The following CCM2 variants were observed in gnomAD, a reference collection of about 807,000 sequenced individuals.
CCM2 encodes CCM2 scaffold protein.
Under a neutral mutation model 44.9 loss-of-function variants are expected in CCM2, and 25 were observed. The observed-to-expected ratio is 0.56, with a 90% confidence interval of 0.41 to 0.78. CCM2 has a LOEUF of 0.78. Among genes scored for constraint, CCM2 ranks in the 30% least tolerant of loss-of-function variants. The probability of loss-of-function intolerance (pLI) is 0.00; values close to 1 mark genes in which losing one functional copy is unlikely to be tolerated. For missense variants in CCM2, 481 were observed against 580.6 expected, an observed-to-expected ratio of 0.83 and a Z score of 1.76; for synonymous variants, 219 against 241.1, an observed-to-expected ratio of 0.91 and a Z score of 0.85.
At chr7:45,019,808 C>T (rs1032194966) in intron 1 of CCM2, among the ~76,000 whole-genome samples, 4 of 152,156 alleles carry the variant, frequency 2.6e-5, no homozygotes, top group Non-Finnish European at 5.9e-5. Context: ...CTCCTGAACT[C>T]AAGTGATCTT....
At chr7:45,016,114 A>T (rs1022230907) in intron 1 of CCM2, among the ~76,000 whole-genome samples, 6 of 152,228 alleles carry the variant, frequency 3.9e-5, no homozygotes, top group African/African-American at 1.4e-4. Flanking sequence ...AAGAGTTGCA[A>T]CCTGTAGGCT....
At position 45,075,936 on chromosome 7, in the gene CCM2, C is replaced by T; in HGVS notation, c.1214C>T (p.Ala405Val). Residue 405 changes from alanine to valine, a missense_variant, in exon 10 of 10, where the codon GCC becomes GTC. By Grantham distance (64) the Ala-to-Val change is moderately conservative. Coordinates refer to ENST00000258781, the MANE Select transcript of CCM2 (RefSeq NM_031443.4). ...TSSSTTNGNR[A>V]TGSSDDRSAP... is the part of the protein sequence containing the mutation. ...AGTTCCACCACCAATGGGAACAGGG[C>T]CACGGGCAGCTCTGATGACCGGTCG... The T allele has an allele frequency of 6.2e-7, 1 of 1,613,220 alleles. No homozygotes were observed. Among genetic ancestry groups the T allele is most frequent in the Non-Finnish European group, 8.5e-7 (1 of 1,180,022 alleles).
At chr7:45,044,891 A>G (rs556459210) in intron 2 of CCM2, among the ~76,000 whole-genome samples, 3 of 152,304 alleles carry the variant, frequency 2.0e-5, no homozygotes, top group African/African-American at 4.8e-5. Flanking sequence ...AGTTATTAAA[A>G]TTTTGTTTTG....
At chr7:45,015,061 G>A (rs1796212616) in intron 1 of CCM2, among the ~76,000 whole-genome samples, 2 of 152,192 alleles carry the variant, frequency 1.3e-5, no homozygotes, top group African/African-American at 2.4e-5. Flanking sequence ...AGCTAATCTT[G>A]TTCTTTCCTG....
At chr7:45,029,707 T>C (rs1328847245) in intron 1 of CCM2, among the ~76,000 whole-genome samples, 1 of 152,206 alleles carries the variant, frequency 6.6e-6, no homozygotes, top group African/African-American at 2.4e-5. Context: ...CTGATAATGT[T>C]GAGCTTCAGA....
At chr7:45,008,913 CT>C (rs1328109093) in intron 1 of CCM2, among the ~76,000 whole-genome samples, 1 of 152,212 alleles carries the variant, frequency 6.6e-6, no homozygotes, top group South Asian at 2.1e-4. Context: ...AAGGCTCCCC[CT>C]CTCACTTAGT....
intron 1 of CCM2, among the ~76,000 whole-genome samples, chr7:45,007,340 G>A (rs1795886376): frequency 6.6e-6 from 1 of 152,172 alleles, no homozygotes; most frequent in South Asian, 2.1e-4. Flanking sequence ...CTGTGTCCTT[G>A]TGAACAGTGG....
chr7:45,040,849 G>T (rs370053838), intron 2 of CCM2, among the ~76,000 whole-genome samples: 39 of 152,184 alleles, frequency 2.6e-4, no homozygotes, highest in Non-Finnish European at 1.3e-4. Context: ...AATTAGCCAG[G>T]TGTAGTGGCA....
chr7:45,064,014 T>C lies in CCM2; in HGVS notation c.288+13T>C. On this transcript the variant is annotated intron_variant, in intron 3 of 9. Coordinates refer to ENST00000258781, the MANE Select transcript of CCM2 (RefSeq NM_031443.4). ...AGACAATGCAAAGGTAACCCTATCC[T>C]CTTAACCCTGTGCACTAGCCCTCAG... 1 of 1,591,224 alleles carries C rather than the reference T, an allele frequency of 6.3e-7. No individual in the cohort carries two copies. The highest frequency in any genetic ancestry group is 2.2e-5 in the East Asian group (1 of 44,768).
intron 2 of CCM2, among the ~76,000 whole-genome samples, chr7:45,044,818 A>AT (rs1166243484): frequency 1.3e-5 from 2 of 152,100 alleles, no homozygotes; most frequent in Non-Finnish European, 2.9e-5. Flanking sequence ...AGTGATTCTT[A>AT]TTTTCCTTCC....
chr7:45,025,767 C>T (rs1310403211), intron 1 of CCM2, among the ~76,000 whole-genome samples: 1 of 152,226 alleles, frequency 6.6e-6, no homozygotes, highest in African/African-American at 2.4e-5. Context: ...CTTCTAACCT[C>T]AGGTGATCTG....
At chr7:45,005,612 A>C (rs1795814832) in intron 1 of CCM2, among the ~76,000 whole-genome samples, 1 of 152,238 alleles carries the variant, frequency 6.6e-6, no homozygotes, top group Admixed American at 6.5e-5. Flanking sequence ...TGAGCATTTA[A>C]ATCACCCTCT....
At chr7:45,018,860 A>G (rs995694665) in intron 1 of CCM2, among the ~76,000 whole-genome samples, 4 of 151,422 alleles carry the variant, frequency 2.6e-5, no homozygotes, top group Non-Finnish European at 4.4e-5. Flanking sequence ...CCCAGATTCA[A>G]GTGATTCTCC....
intron 2 of CCM2, among the ~76,000 whole-genome samples, chr7:45,041,320 A>G (rs920701021): frequency 6.6e-6 from 1 of 152,242 alleles, no homozygotes; most frequent in Admixed American, 6.5e-5. Context: ...GATGAAGTAG[A>G]CATTCTTTTC....
At chr7:45,013,601 C>G (rs1796147756) in intron 1 of CCM2, among the ~76,000 whole-genome samples, 3 of 152,188 alleles carry the variant, frequency 2.0e-5, no homozygotes, top group Admixed American at 6.5e-5. Flanking sequence ...TCCATTTGAT[C>G]TTGCTACGTA....
intron 1 of CCM2, among the ~76,000 whole-genome samples, chr7:45,031,381 C>CAAAA (rs35741858): frequency 1.7e-5 from 1 of 57,484 alleles, no homozygotes; most frequent in Non-Finnish European, 3.5e-5. Context: ...GACTCCAGGT[C>CAAAA]AAAAAAAAAA....
chr7:45,032,757 G>C (rs2128725133), intron 1 of CCM2, among the ~76,000 whole-genome samples: 1 of 152,216 alleles, frequency 6.6e-6, no homozygotes, highest in African/African-American at 2.4e-5. Context: ...AGAGCCAAGG[G>C]CAGCCAGGCC....
chr7:45,068,973 G>A (rs1798921332), intron 5 of CCM2, among the ~76,000 whole-genome samples: 1 of 152,196 alleles, frequency 6.6e-6, no homozygotes, highest in African/African-American at 2.4e-5. Flanking sequence ...CACGCTGATG[G>A]GCGGGCAGCG....
At chr7:45,069,293 G>A (rs1798938600) in intron 5 of CCM2, among the ~76,000 whole-genome samples, 1 of 152,242 alleles carries the variant, frequency 6.6e-6, no homozygotes, top group Non-Finnish European at 1.5e-5. Flanking sequence ...AGGGTGTTGA[G>A]CAGCATCCCA....
Sources: gnomAD v4.1 joint callset for allele counts (sites outside exome capture counted in the v4.1 genomes callset) on GRCh38, gnomAD v4.1.1 for gene constraint, MANE v1.5 for transcripts, NCBI Gene and HGNC (gene_info 2026-07-23, HGNC 2026-07-21) for gene names.